ROBO2: variants seen among roughly 807,000 people sequenced by gnomAD.
ROBO2 encodes roundabout guidance receptor 2.
Under a neutral mutation model 160.8 loss-of-function variants are expected in ROBO2, and 53 were observed. The ratio of observed to expected loss-of-function variants is 0.33; its 90% CI spans 0.26 to 0.41. The LOEUF (loss-of-function observed/expected upper bound fraction) is 0.41. ROBO2 is among the 10% of genes least tolerant of loss of function. The probability of loss-of-function intolerance (pLI) is 1.00; values close to 1 mark genes in which losing one functional copy is unlikely to be tolerated. For missense variants in ROBO2, 1,577 were observed against 1,722.4 expected, an observed-to-expected ratio of 0.92 and a Z score of 1.49; for synonymous variants, 664 against 611.7, an observed-to-expected ratio of 1.09 and a Z score of -1.26.
chr3:76,549,370 C>T (rs913579611), intron 2 of ROBO2, among the ~76,000 whole-genome samples: 16 of 152,138 alleles, frequency 1.1e-4, no homozygotes, highest in Admixed American at 1.3e-4. Flanking sequence ...TGGTGTAAAA[C>T]GTTACCTCCT....
intron 2 of ROBO2, among the ~76,000 whole-genome samples, chr3:77,224,872 G>A (rs1207562469): frequency 5.3e-5 from 8 of 151,774 alleles, no homozygotes; most frequent in Admixed American, 5.3e-4. Context: ...ACCGCTGATA[G>A]TGGATGATAA....
intron 2 of ROBO2, among the ~76,000 whole-genome samples, chr3:77,129,914 T>A (rs1480535772): frequency 6.6e-6 from 1 of 152,134 alleles, no homozygotes; most frequent in Non-Finnish European, 1.5e-5. Flanking sequence ...TTGTCACTGG[T>A]TGTCACATAA....
At chr3:77,371,559 A>C (rs2071758663) in intron 2 of ROBO2, among the ~76,000 whole-genome samples, 3 of 152,252 alleles carry the variant, frequency 2.0e-5, no homozygotes, top group Admixed American at 2.0e-4. Context: ...AGTACTCAGC[A>C]TACACATAAG....
At chr3:75,926,111 C>T (rs1011657654) in intron 1 of ROBO2, among the ~76,000 whole-genome samples, 1 of 152,078 alleles carries the variant, frequency 6.6e-6, no homozygotes, top group Non-Finnish European at 1.5e-5. Context: ...GTATGATATT[C>T]CTCCAAAGAA....
chr3:76,742,494 A>G (rs1238943737), intron 2 of ROBO2, among the ~76,000 whole-genome samples: 1 of 152,170 alleles, frequency 6.6e-6, no homozygotes, highest in Non-Finnish European at 1.5e-5. Flanking sequence ...ATATACTTAG[A>G]GCATTTTTCA....
At chr3:76,993,380 C>T (rs1462497779) in intron 2 of ROBO2, among the ~76,000 whole-genome samples, 1 of 152,136 alleles carries the variant, frequency 6.6e-6, no homozygotes, top group Non-Finnish European at 1.5e-5. Context: ...AGGAAATGAT[C>T]CCCAAAGTCA....
At chr3:76,653,395 A>G (rs2091342267) in intron 2 of ROBO2, among the ~76,000 whole-genome samples, 1 of 150,434 alleles carries the variant, frequency 6.6e-6, no homozygotes, top group African/African-American at 2.4e-5. Context: ...TATATAATAT[A>G]TATGAATATT....
At chr3:76,719,887 A>G (rs1440719949) in intron 2 of ROBO2, among the ~76,000 whole-genome samples, 1 of 149,548 alleles carries the variant, frequency 6.7e-6, no homozygotes, top group Non-Finnish European at 1.5e-5. Flanking sequence ...GTGTCTCAAA[A>G]AAAAAAAAAA....
At chr3:77,598,414 TAATGAGGATTA>T (rs1361943607) in intron 19 of ROBO2, among the ~76,000 whole-genome samples, 1 of 148,282 alleles carries the variant, frequency 6.7e-6, no homozygotes, top group African/African-American at 2.5e-5. Flanking sequence ...CATAGGTGTG[TAATGAGGATTA>T]AATAGATGAA....
At chr3:76,455,068 G>T (rs1451359613) in intron 2 of ROBO2, among the ~76,000 whole-genome samples, 1 of 152,044 alleles carries the variant, frequency 6.6e-6, no homozygotes, top group African/African-American at 2.4e-5. Context: ...ATGACTTATT[G>T]CAGTGTTTAA....
intron 6 of ROBO2, among the ~76,000 whole-genome samples, chr3:77,524,999 G>A (rs530878917): frequency 3.8e-4 from 58 of 151,308 alleles, no homozygotes; most frequent in African/African-American, 1.3e-3. Flanking sequence ...ATTAGGAAAA[G>A]CATTTGGGTT....
At chr3:76,556,872 C>T (rs1331425735) in intron 2 of ROBO2, among the ~76,000 whole-genome samples, 1 of 152,074 alleles carries the variant, frequency 6.6e-6, no homozygotes, top group Non-Finnish European at 1.5e-5. Context: ...ACATACCTCC[C>T]AGTAAAATCC....
chr3:77,106,249 C>A (rs2072779039), intron 2 of ROBO2, among the ~76,000 whole-genome samples: 1 of 152,006 alleles, frequency 6.6e-6, no homozygotes, highest in Non-Finnish European at 1.5e-5. Context: ...TGCCATGTTG[C>A]CCAGGCTGGT....
chr3:75,939,325 T>A (rs1576223956), intron 2 of ROBO2, among the ~76,000 whole-genome samples: 1 of 152,144 alleles, frequency 6.6e-6, no homozygotes, highest in African/African-American at 2.4e-5. Flanking sequence ...GAGGAATAGG[T>A]TACTAGATAT....
chr3:76,470,592 A>C (rs1172580543), intron 2 of ROBO2, among the ~76,000 whole-genome samples: 2 of 152,120 alleles, frequency 1.3e-5, no homozygotes, highest in Non-Finnish European at 2.9e-5. Context: ...ACCAACAACT[A>C]CCTCAAGAGA....
At chr3:77,240,595 G>A (rs1337727091) in intron 2 of ROBO2, among the ~76,000 whole-genome samples, 2 of 152,200 alleles carry the variant, frequency 1.3e-5, no homozygotes, top group African/African-American at 4.8e-5. Context: ...TGGCCGAGGA[G>A]GCACTGAGAG....
chr3:76,546,416 A>C (rs1281171240), intron 2 of ROBO2, among the ~76,000 whole-genome samples: 1 of 151,886 alleles, frequency 6.6e-6, no homozygotes, highest in Admixed American at 6.6e-5. Context: ...GAACCTGTGT[A>C]TATATTAGTT....
chr3:76,967,048 G>T (rs1326611797), intron 2 of ROBO2, among the ~76,000 whole-genome samples: 2 of 152,102 alleles, frequency 1.3e-5, no homozygotes, highest in Non-Finnish European at 2.9e-5. Flanking sequence ...TGGGCATATT[G>T]TATACAATCC....
intron 2 of ROBO2, among the ~76,000 whole-genome samples, chr3:76,734,006 G>A (rs1477008225): frequency 2.6e-5 from 4 of 152,110 alleles, no homozygotes; most frequent in African/African-American, 4.8e-5. Context: ...AGACCACAGA[G>A]GGCATCTTTC....
Sources: allele counts gnomAD v4.1 joint callset (sites outside exome capture counted in the v4.1 genomes callset), GRCh38; gene constraint gnomAD v4.1.1; transcripts MANE v1.5; gene names NCBI Gene and HGNC (gene_info 2026-07-23, HGNC 2026-07-21).